The following ZBTB20 variants were observed in gnomAD, a reference collection of about 807,000 sequenced individuals.
ZBTB20 encodes zinc finger and BTB domain-containing protein 20.
ZBTB20 carries 9 observed loss-of-function variants against 56.9 expected under a neutral mutation model. The ratio of observed to expected loss-of-function variants is 0.16; its 90% CI spans 0.10 to 0.28. The LOEUF (loss-of-function observed/expected upper bound fraction) is 0.28, where lower values mean the gene tolerates loss of function less well. Ranked by LOEUF, ZBTB20 falls within the 10% of genes least tolerant of loss-of-function variation. The pLI, the probability that ZBTB20 is intolerant of heterozygous loss-of-function variation, is 1.00. For missense variants in ZBTB20, 655 were observed against 1,003.0 expected (o/e 0.65, Z 4.69); for synonymous variants, 417 against 420.7 (o/e 0.99, Z 0.11).
intron 7 of ZBTB20, among the ~76,000 whole-genome samples, chr3:114,400,396 A>G (rs1228590361): frequency 6.6e-6 from 1 of 152,142 alleles, no homozygotes; most frequent in African/African-American, 2.4e-5. Flanking sequence ...TATAGTGTGG[A>G]GTACTGAATC....
At chr3:115,077,278 G>A (rs371731547) in intron 1 of ZBTB20, among the ~76,000 whole-genome samples, 2 of 152,048 alleles carry the variant, frequency 1.3e-5, no homozygotes, top group Non-Finnish European at 2.9e-5. Context: ...AAATTCATAC[G>A]TTGAAACTTA....
chr3:114,915,791 A>G (rs999663634), intron 3 of ZBTB20, among the ~76,000 whole-genome samples: 5 of 151,990 alleles, frequency 3.3e-5, no homozygotes, highest in African/African-American at 1.2e-4. Context: ...AACTTTTAAA[A>G]TTTCCTTCAT....
intron 10 of ZBTB20, among the ~76,000 whole-genome samples, chr3:114,374,681 T>C (rs2083412076): frequency 6.6e-6 from 1 of 152,228 alleles, no homozygotes; most frequent in Non-Finnish European, 1.5e-5. Context: ...TTCCAGTTAG[T>C]TTAGACACAT....
chr3:114,581,483 C>A (rs1261017781), intron 6 of ZBTB20, among the ~76,000 whole-genome samples: 3 of 151,876 alleles, frequency 2.0e-5, no homozygotes, highest in Non-Finnish European at 1.5e-5. Flanking sequence ...AGGGCACCTA[C>A]AAATTGGGAA....
intron 1 of ZBTB20, among the ~76,000 whole-genome samples, chr3:115,079,373 G>GTCTT (rs1408910327): frequency 9.3e-6 from 1 of 106,980 alleles, no homozygotes; most frequent in Non-Finnish European, 2.0e-5. Context: ...AGTTCCTCAA[G>GTCTT]TCTTTCTTAT....
At chr3:114,932,805 A>ATGC (rs10633671) in intron 3 of ZBTB20, among the ~76,000 whole-genome samples, 7,447 of 152,276 alleles carry the variant, frequency 0.049, 605 homozygotes, top group African/African-American at 0.17. Flanking sequence ...TTGCTCTAGC[A>ATGC]TGCTGCTCTT....
chr3:115,044,748 G>T (rs776841784), intron 2 of ZBTB20, among the ~76,000 whole-genome samples: 1 of 152,170 alleles, frequency 6.6e-6, no homozygotes, highest in Non-Finnish European at 1.5e-5. Flanking sequence ...CAAAGTTATC[G>T]AGAACACAAG....
chr3:114,938,844 G>C (rs1323068800), intron 3 of ZBTB20, among the ~76,000 whole-genome samples: 1 of 145,870 alleles, frequency 6.9e-6, no homozygotes, highest in Non-Finnish European at 1.5e-5. Context: ...TCTAGAAAAA[G>C]AAGTTGCATC....
At chr3:114,908,214 T>C (rs978632980) in intron 3 of ZBTB20, among the ~76,000 whole-genome samples, 1 of 152,050 alleles carries the variant, frequency 6.6e-6, no homozygotes, top group African/African-American at 2.4e-5. Context: ...TCAGGCTATA[T>C]TCACACAGAA....
intron 6 of ZBTB20, among the ~76,000 whole-genome samples, chr3:114,617,944 G>A (rs1160099313): frequency 6.9e-6 from 1 of 144,274 alleles, no homozygotes; most frequent in Non-Finnish European, 1.5e-5. Flanking sequence ...AAACACACAT[G>A]TATACACTCT....
At chr3:114,518,655 T>G (rs1028869293) in intron 6 of ZBTB20, 8 of 151,958 alleles carry the variant, frequency 5.3e-5, no homozygotes, top group African/African-American at 1.9e-4. Flanking sequence ...AGTAGAAGAG[T>G]GCCTGAAAGA....
intron 6 of ZBTB20, among the ~76,000 whole-genome samples, chr3:114,538,537 AT>A (rs554657843): frequency 6.6e-6 from 1 of 152,146 alleles, no homozygotes; most frequent in South Asian, 2.1e-4. Context: ...ATGGAAATTC[AT>A]TTTTGTGTGA....
chr3:114,389,750 G>A lies in ZBTB20; in HGVS notation c.-254-645C>T, dbSNP rs142239392. Among the ~76,000 whole-genome samples the A allele has an allele frequency of 1.2e-3, 180 of 151,650 alleles. 5 individuals carry two copies. In the East Asian group the frequency reaches 0.03, roughly 25 times the overall value. On this transcript the variant is annotated intron_variant, in intron 7 of 11. Transcript: ENST00000675478. ...TAAAATGCAAAAAAATTAGCCAGGC[G>A]TGATGGCGCACGCCTGTAGTCCCAG...
chr3:114,839,584 G>C (rs564784865), intron 4 of ZBTB20, among the ~76,000 whole-genome samples: 1 of 152,232 alleles, frequency 6.6e-6, no homozygotes, highest in South Asian at 2.1e-4. Flanking sequence ...TGGATCTAAT[G>C]GTGACCTTCC....
chr3:115,129,144 C>G (rs1395413481), intron 1 of ZBTB20, among the ~76,000 whole-genome samples: 1 of 151,986 alleles, frequency 6.6e-6, no homozygotes, highest in African/African-American at 2.4e-5. Context: ...AACATCATGT[C>G]TACTACTGGA....
At chr3:114,683,188 G>A (rs907646367) in intron 6 of ZBTB20, among the ~76,000 whole-genome samples, 2 of 152,104 alleles carry the variant, frequency 1.3e-5, no homozygotes, top group African/African-American at 4.8e-5. Flanking sequence ...GGGACATTTT[G>A]GTTAAAAAGG....
intron 5 of ZBTB20, among the ~76,000 whole-genome samples, chr3:114,756,455 C>T (rs2068016842): frequency 6.6e-6 from 1 of 152,126 alleles, no homozygotes; most frequent in African/African-American, 2.4e-5. Context: ...CTTTCGATTA[C>T]ACACACAAAA....
chr3:114,859,196 CTTCCTTCG>C (rs1340539275), intron 4 of ZBTB20, among the ~76,000 whole-genome samples: 3 of 151,884 alleles, frequency 2.0e-5, no homozygotes, highest in African/African-American at 4.8e-5. Context: ...TTCTTCCTTC[CTTCCTTCG>C]TTCCTTCCTT....
intron 2 of ZBTB20, among the ~76,000 whole-genome samples, chr3:115,069,372 A>T (rs1307086021): frequency 1.3e-5 from 2 of 152,094 alleles, no homozygotes; most frequent in African/African-American, 4.8e-5. Context: ...TAAGTCAGAA[A>T]CACGTTGGCT....
Sources: gnomAD v4.1 joint callset for allele counts (sites outside exome capture counted in the v4.1 genomes callset) on GRCh38, gnomAD v4.1.1 for gene constraint, MANE v1.5 for transcripts, NCBI Gene and HGNC (gene_info 2026-07-23, HGNC 2026-07-21) for gene names.